HROB: variants seen among roughly 807,000 people sequenced by gnomAD.
HROB encodes the protein homologous recombination factor with OB-fold, also known as homologous recombination OB-fold protein.
In HROB, 44 loss-of-function variants were observed where a neutral mutation model predicts 61.0. The ratio of observed to expected loss-of-function variants is 0.72; its 90% CI spans 0.57 to 0.93. HROB has a LOEUF of 0.93. Among genes scored for constraint, HROB ranks in the 40% least tolerant of loss-of-function variants. The probability of loss-of-function intolerance (pLI) is 0.00; values close to 1 mark genes in which losing one functional copy is unlikely to be tolerated. For missense variants in HROB, 716 were observed against 796.2 expected (o/e 0.90, Z 1.21); for synonymous variants, 301 against 310.4 (o/e 0.97, Z 0.32).
chr17:44,150,388 CTTTCT>C (rs1260927361), intron 3 of HROB, among the ~76,000 whole-genome samples: 4 of 127,662 alleles, frequency 3.1e-5, no homozygotes, highest in Admixed American at 1.6e-4. Flanking sequence ...TTCTTTCTTT[CTTTCT>C]TTTTTTTTTT....
intron 2 of HROB, among the ~76,000 whole-genome samples, chr17:44,145,575 G>T (rs935820013): frequency 2.0e-5 from 3 of 152,258 alleles, no homozygotes; most frequent in Admixed American, 2.0e-4. Flanking sequence ...TGTAGAGCCA[G>T]AACCATGTAA....
chr17:44,156,773 C>T (rs2053984161), intron 8 of HROB, among the ~76,000 whole-genome samples: 2 of 152,076 alleles, frequency 1.3e-5, no homozygotes, highest in South Asian at 2.1e-4. Context: ...AGTGATTCTC[C>T]TGCCTCAGCC....
In HROB at chr17:44,142,148, A is replaced by G. The variant is rs2053462398; in HGVS notation, c.3+3A>G. On this transcript the variant is annotated splice_donor_region_variant and intron_variant, in intron 1 of 9. Coordinates refer to ENST00000585683, the MANE Select transcript of HROB (RefSeq NM_001171251.3). Reference sequence around the variant, plus strand: ...GAGGCCCACCCGCCGTCGCTATGGTAATGCCGCGCCCAGCTTGGGGGCTGG... The same window carrying G: ...GAGGCCCACCCGCCGTCGCTATGGTGATGCCGCGCCCAGCTTGGGGGCTGG... 2.0e-6 allele frequency: 3 copies of G among 1,525,010 alleles called. No homozygotes were observed. Among genetic ancestry groups the G allele is most frequent in the Non-Finnish European group, 2.6e-6 (3 of 1,141,466 alleles). The allele number at this position is 1,525,010 out of a possible 1,614,324, so 94.5% of individuals were successfully genotyped here.
intron 9 of HROB, among the ~76,000 whole-genome samples, chr17:44,160,999 A>G (rs2054121428): frequency 6.6e-6 from 1 of 152,092 alleles, no homozygotes; most frequent in Non-Finnish European, 1.5e-5. Flanking sequence ...TCAAGAGATC[A>G]AGACCATCTT....
intron 5 of HROB, among the ~76,000 whole-genome samples, chr17:44,153,788 G>T (rs2053887541): frequency 6.6e-6 from 1 of 151,788 alleles, no homozygotes; most frequent in African/African-American, 2.4e-5. Flanking sequence ...GGTGGGTCAC[G>T]CCTGTAATCC....
Position 44,162,132 on chromosome 17 carries a change from G to T in HROB, c.*200G>T. On this transcript the variant is annotated 3_prime_UTR_variant, in exon 10 of 10. Transcript: ENST00000585683. ...CCCTCACTTTGGGCCTTCCTTTGCC[G>T]TTGGCACCAGAATCCGGCCGGAGAC... The T allele has an allele frequency of 1.9e-6, 1 of 539,746 alleles. No homozygotes were observed. Among genetic ancestry groups the T allele is most frequent in the Non-Finnish European group, 3.2e-6 (1 of 309,636 alleles). 33.4% of individuals were successfully genotyped at this position (539,746 alleles called of 1,614,324 possible).
chr17:44,150,546 C>T (rs947759237), intron 3 of HROB, among the ~76,000 whole-genome samples: 7 of 152,254 alleles, frequency 4.6e-5, no homozygotes, highest in Admixed American at 6.5e-5. Context: ...TGGGCCACCA[C>T]GCCTGGCTAA....
At chr17:44,152,436 AAAAG>A (rs1366212074) in intron 4 of HROB, among the ~76,000 whole-genome samples, 197 bp from the exon 5 acceptor site, 2 of 152,118 alleles carry the variant, frequency 1.3e-5, no homozygotes, top group African/African-American at 4.8e-5. Flanking sequence ...AGAAAAAAAA[AAAAG>A]AAAAAGAGAA....
chr17:44,155,328 G>A lies in HROB; in HGVS notation c.1687G>A (p.Val563Met), dbSNP rs200296668. 2.0e-5 allele frequency: 33 copies of A among 1,613,984 alleles called. No individual in the cohort carries two copies. The highest frequency in any genetic ancestry group is 8.3e-5 in the Admixed American group (5 of 59,978). ...TTCACTTCGAAATCACTACCTCAAC[G>A]TGACACCCAACAACCTGGTCCATAT... The part of the protein sequence containing the change: ...SPSLRNHYLN[V>M]TPNNLVHIYS... The change falls in exon 8 of 10, where the codon GTG becomes ATG. Residue 563 changes from valine to methionine, a missense_variant. By Grantham distance (21) the Val-to-Met change is conservative. Transcript: ENST00000585683.
intron 2 of HROB, 144 bp from the exon 3 acceptor site, chr17:44,147,714 G>A (rs2053653582): frequency 2.5e-6 from 2 of 813,314 alleles, no homozygotes; most frequent in Admixed American, 2.9e-5. Flanking sequence ...GGGATTACAG[G>A]CATGAGCCAC....
chr17:44,159,738 G>A (rs188979739), intron 9 of HROB, among the ~76,000 whole-genome samples: 1 of 152,348 alleles, frequency 6.6e-6, no homozygotes, highest in East Asian at 1.9e-4. Context: ...GCATATGTCA[G>A]CGTTTTTTCT....
rs747473852 is a variant in HROB at position 44,154,542 on chromosome 17, C to T, written c.1450-14C>T. The T allele has an allele frequency of 6.2e-7, 1 of 1,613,858 alleles. No individual in the cohort carries two copies. The highest frequency in any genetic ancestry group is 8.5e-7 in the Non-Finnish European group (1 of 1,179,794). On this transcript the variant is annotated splice_polypyrimidine_tract_variant and intron_variant, in intron 5 of 9. Coordinates refer to ENST00000585683, the MANE Select transcript of HROB (RefSeq NM_001171251.3). ...GCCGTGGAAGGCTCAGCATATGCCTCTCCTTGTAAGCAGGCAGCCCTGAAG... is the reference window on the plus strand; with the variant it reads ...GCCGTGGAAGGCTCAGCATATGCCTTTCCTTGTAAGCAGGCAGCCCTGAAG...
intron 4 of HROB, among the ~76,000 whole-genome samples, chr17:44,152,068 A>G (rs949462895): frequency 4.6e-5 from 7 of 151,960 alleles, no homozygotes; most frequent in South Asian, 2.1e-4. Flanking sequence ...GATGGTCTCC[A>G]TCTTCTGACC....
At chr17:44,145,105 A>T in intron 1 of HROB, 98 bp from the exon 2 acceptor site, 1 of 1,315,136 alleles carries the variant, frequency 7.6e-7, no homozygotes, top group Non-Finnish European at 1.1e-6. Flanking sequence ...AAAACAATAT[A>T]CCTGATGGTA....
In HROB at chr17:44,145,206, T is replaced by G; in HGVS notation, c.7T>G (p.Cys3Gly). ...AGTTGGTTTTTTTTCTTTTCAGGCG[T>G]GCAGTTTGCAGAAGCTGTTTGCTGT... MA[C>G]SLQKLFAVEE... The change falls in exon 2 of 10, where the codon TGC becomes GGC. Residue 3 changes from cysteine (C) to glycine (G), a missense_variant. By Grantham distance (159) the Cys-to-Gly change is radical. Transcript: ENST00000585683. 1 of 1,613,892 alleles carries G rather than the reference T, an allele frequency of 6.2e-7. No individual in the cohort carries two copies. Among genetic ancestry groups the G allele is most frequent in the Non-Finnish European group, 8.5e-7 (1 of 1,179,820 alleles).
chr17:44,142,006 C>T lies in HROB; in HGVS notation c.-137C>T. On this transcript the variant is annotated 5_prime_UTR_variant, in exon 1 of 10. Coordinates refer to ENST00000585683, the MANE Select transcript of HROB (RefSeq NM_001171251.3). ...CGACTTTCCCTATATCGCAGAGACT[C>T]ATCCCTCTGACCCCAGCCCGGAAGC... 3 of 1,241,920 alleles carry T rather than the reference C, an allele frequency of 2.4e-6. No individual in the cohort carries two copies. Among genetic ancestry groups the T allele is most frequent in the East Asian group, 2.9e-5 (1 of 34,112 alleles). 76.9% of individuals were successfully genotyped at this position (1,241,920 alleles called of 1,614,324 possible). A position where few individuals can be genotyped will look rare whatever the true frequency, so the allele number is the denominator to read the frequency against.
Position 44,148,560 on chromosome 17 carries a change from G to T in HROB, c.757G>T (p.Val253Phe). Residue 253 changes from valine to phenylalanine, a missense_variant, in exon 3 of 10, where the codon GTT becomes TTT. Physicochemically the swap from Val to Phe is conservative, Grantham distance 50 (BLOSUM62 -1). Transcript: ENST00000585683. ...LRPGAVGHLP[V>F]PTALTVPTQQ... Reference sequence around the variant, plus strand: ...ACCTGGTGCTGTGGGTCACCTTCCTGTTCCAACTGCCTTAACAGTTCCCAC... The same window carrying T: ...ACCTGGTGCTGTGGGTCACCTTCCTTTTCCAACTGCCTTAACAGTTCCCAC... 1 of 1,614,008 alleles carries T rather than the reference G, an allele frequency of 6.2e-7. No individual in the cohort carries two copies. The highest frequency in any genetic ancestry group is 2.2e-5 in the East Asian group (1 of 44,876).
rs904686938 is a variant in HROB, at chr17:44,155,013, G to A, written c.1644+75G>A. On this transcript the variant is annotated intron_variant, in intron 7 of 9. Coordinates refer to ENST00000585683, the MANE Select transcript of HROB (RefSeq NM_001171251.3). ...TGTCTGTCTCCTTACCTGTTTGGCT[G>A]CCTTCCTCTACAACACCAGGCACGG... 8 of 1,520,748 alleles carry A rather than the reference G, an allele frequency of 5.3e-6. No individual in the cohort carries two copies. In the African/African-American group the frequency reaches 9.6e-5, roughly 18 times the overall value. 94.2% of individuals were successfully genotyped at this position (1,520,748 alleles called of 1,614,324 possible). A position where few individuals can be genotyped will look rare whatever the true frequency, so the allele number is the denominator to read the frequency against.
chr17:44,153,976 G>A (rs1480086821), intron 5 of HROB, among the ~76,000 whole-genome samples: 1 of 152,096 alleles, frequency 6.6e-6, no homozygotes, highest in Non-Finnish European at 1.5e-5. Context: ...TGAACCCAGA[G>A]GCGGAGGTTG....
Sources: gnomAD v4.1 joint callset for allele counts (sites outside exome capture counted in the v4.1 genomes callset) on GRCh38, gnomAD v4.1.1 for gene constraint, MANE v1.5 for transcripts, NCBI Gene and HGNC (gene_info 2026-07-23, HGNC 2026-07-21) for gene names.